The following FSTL5 variants were observed in gnomAD, a reference collection of about 807,000 sequenced individuals.
FSTL5 encodes the protein follistatin like 5, also known as follistatin-related protein 5.
Under a neutral mutation model 89.1 loss-of-function variants are expected in FSTL5, and 62 were observed. The observed-to-expected ratio is 0.70, with a 90% confidence interval of 0.57 to 0.86. The LOEUF is 0.86. Ranked by LOEUF, FSTL5 falls within the 40% of genes least tolerant of loss-of-function variation. FSTL5 has a pLI of 0.00. For synonymous variants in FSTL5, 383 were observed against 346.2 expected (o/e 1.11, Z -1.18); for missense variants, 1,057 against 1,001.6 (o/e 1.06, Z -0.75).
intron 6 of FSTL5, among the ~76,000 whole-genome samples, chr4:161,670,553 A>C (rs1412797805): frequency 6.6e-6 from 1 of 152,196 alleles, no homozygotes; most frequent in African/African-American, 2.4e-5. Flanking sequence ...ACTAAAACAG[A>C]CTTTAATATT....
intron 15 of FSTL5, among the ~76,000 whole-genome samples, chr4:161,399,599 G>A (rs1731115647): frequency 6.6e-6 from 1 of 151,960 alleles, no homozygotes; most frequent in South Asian, 2.1e-4. Flanking sequence ...ATCCTTGGGA[G>A]CATTTCCACA....
At chr4:162,143,892 A>G (rs923800323) in intron 1 of FSTL5, among the ~76,000 whole-genome samples, 6 of 151,938 alleles carry the variant, frequency 3.9e-5, no homozygotes, top group Admixed American at 1.3e-4. Context: ...AGTTTTTTGT[A>G]TTTTTCCCTT....
chr4:162,020,624 G>T (rs1313091379), intron 3 of FSTL5, among the ~76,000 whole-genome samples: 1 of 151,920 alleles, frequency 6.6e-6, no homozygotes, highest in Non-Finnish European at 1.5e-5. Context: ...CCTGGCTAGC[G>T]AATGTCAAAG....
chr4:161,531,502 T>G (rs2126530618), intron 10 of FSTL5, among the ~76,000 whole-genome samples: 1 of 152,274 alleles, frequency 6.6e-6, no homozygotes, highest in African/African-American at 2.4e-5. Flanking sequence ...ACCTCTCTTC[T>G]CTGCATCTTT....
chr4:161,412,421 T>A (rs1174411831), intron 15 of FSTL5, among the ~76,000 whole-genome samples: 1 of 151,912 alleles, frequency 6.6e-6, no homozygotes, highest in Non-Finnish European at 1.5e-5. Flanking sequence ...GGCATCACAC[T>A]ACCTGACTTC....
intron 6 of FSTL5, among the ~76,000 whole-genome samples, chr4:161,710,518 T>C (rs1738744088): frequency 6.6e-6 from 1 of 152,188 alleles, no homozygotes; most frequent in African/African-American, 2.4e-5. Context: ...TTTATATGGC[T>C]TCCTTTTTTG....
chr4:161,974,810 C>G (rs1358446387), intron 3 of FSTL5, among the ~76,000 whole-genome samples: 4 of 149,060 alleles, frequency 2.7e-5, no homozygotes, highest in Non-Finnish European at 5.9e-5. Flanking sequence ...TCAGAGTGAA[C>G]AGGCAACCTA....
At chr4:161,503,251 T>C (rs1213050187) in intron 11 of FSTL5, among the ~76,000 whole-genome samples, 3 of 150,628 alleles carry the variant, frequency 2.0e-5, no homozygotes, top group African/African-American at 7.4e-5. Flanking sequence ...TGGTAACCTA[T>C]TTATTTATGT....
chr4:161,651,487 G>A (rs1012171154), intron 7 of FSTL5, among the ~76,000 whole-genome samples: 1 of 151,978 alleles, frequency 6.6e-6, no homozygotes, highest in African/African-American at 2.4e-5. Context: ...TAGGTTCAGG[G>A]TATATGTACT....
chr4:162,025,085 T>C (rs1737229863), intron 3 of FSTL5, among the ~76,000 whole-genome samples: 1 of 152,110 alleles, frequency 6.6e-6, no homozygotes, highest in Admixed American at 6.6e-5. Flanking sequence ...TATTTTTTTT[T>C]CATTACAGTG....
At chr4:162,109,797 A>C (rs796411979) in intron 2 of FSTL5, among the ~76,000 whole-genome samples, 11 of 152,196 alleles carry the variant, frequency 7.2e-5, no homozygotes, top group African/African-American at 2.6e-4. Context: ...CAGAAATAAA[A>C]GGATGTGAAA....
chr4:161,837,187 A>G (rs1022303139), intron 4 of FSTL5, among the ~76,000 whole-genome samples: 1 of 152,202 alleles, frequency 6.6e-6, no homozygotes, highest in African/African-American at 2.4e-5. Flanking sequence ...GAGGTCATCA[A>G]AAGAGACAGT....
chr4:161,854,903 C>G (rs1224299221), intron 4 of FSTL5, among the ~76,000 whole-genome samples: 1 of 151,670 alleles, frequency 6.6e-6, no homozygotes, highest in Non-Finnish European at 1.5e-5. Flanking sequence ...ATTATTTTTT[C>G]CTAAATATAA....
chr4:162,087,700 C>T (rs1014120844), intron 2 of FSTL5, among the ~76,000 whole-genome samples: 2 of 152,036 alleles, frequency 1.3e-5, no homozygotes, highest in African/African-American at 4.8e-5. Flanking sequence ...ATATTCTAAC[C>T]AAGGCTTTCT....
intron 15 of FSTL5, among the ~76,000 whole-genome samples, chr4:161,419,638 A>G (rs752389613): frequency 2.6e-5 from 4 of 152,182 alleles, no homozygotes; most frequent in Non-Finnish European, 5.9e-5. Context: ...ATTAGATTCT[A>G]TCACATCTCT....
chr4:162,039,780 A>T (rs1390082903), intron 2 of FSTL5, among the ~76,000 whole-genome samples: 2 of 152,016 alleles, frequency 1.3e-5, no homozygotes, highest in African/African-American at 4.8e-5. Context: ...TAAAATTTAC[A>T]AATTAGCAAA....
chr4:161,415,928 C>G (rs553470741), intron 15 of FSTL5, among the ~76,000 whole-genome samples: 1 of 151,278 alleles, frequency 6.6e-6, no homozygotes, highest in East Asian at 1.9e-4. Context: ...TGATAGCCTG[C>G]GCAGATCATT....
At chr4:161,473,605 G>A (rs1201914521) in intron 13 of FSTL5, among the ~76,000 whole-genome samples, 1 of 151,858 alleles carries the variant, frequency 6.6e-6, no homozygotes, top group African/African-American at 2.4e-5. Flanking sequence ...ATTAAAAAAT[G>A]TGTATATAGA....
intron 4 of FSTL5, among the ~76,000 whole-genome samples, chr4:161,801,160 TTAA>T (rs1247579587): frequency 6.6e-6 from 1 of 151,622 alleles, no homozygotes. Context: ...TGCAAACATC[TTAA>T]TGTTTTCATT....
Sources: allele counts gnomAD v4.1 joint callset (sites outside exome capture counted in the v4.1 genomes callset), GRCh38; gene constraint gnomAD v4.1.1; transcripts MANE v1.5; gene names NCBI Gene and HGNC (gene_info 2026-07-23, HGNC 2026-07-21).